Variants in DNAJC1 observed in about 807,000 individuals in gnomAD.
DNAJC1 encodes the protein DnaJ heat shock protein family (Hsp40) member C1, also known as dnaJ homolog subfamily C member 1.
DNAJC1 carries 58 observed loss-of-function variants against 76.6 expected under a neutral mutation model. The observed-to-expected ratio is 0.76, with a 90% CI of 0.61 to 0.94. The LOEUF (loss-of-function observed/expected upper bound fraction) is 0.94, where lower values mean the gene tolerates loss of function less well. Ranked by LOEUF, DNAJC1 falls within the 40% of genes least tolerant of loss-of-function variation. The pLI is 0.00. For synonymous variants in DNAJC1, 258 were observed against 267.9 expected (o/e 0.96, Z 0.36); for missense variants, 689 against 677.3 (o/e 1.02, Z -0.19).
At chr10:21,845,237 C>A (rs536393627) in intron 8 of DNAJC1, among the ~76,000 whole-genome samples, 1 of 152,004 alleles carries the variant, frequency 6.6e-6, no homozygotes, top group Non-Finnish European at 1.5e-5. Flanking sequence ...TGTGCCATTG[C>A]ATAGATTCTG....
At chr10:21,993,511 A>G (rs547722397) in intron 1 of DNAJC1, among the ~76,000 whole-genome samples, 1 of 152,356 alleles carries the variant, frequency 6.6e-6, no homozygotes, top group Non-Finnish European at 1.5e-5. Context: ...CGTCTGTCTC[A>G]TATTTTATTC....
rs1424292782 is a variant in DNAJC1, at chr10:22,003,372, C to T, written c.63G>A (p.Pro21=). The change falls in exon 1 of 12, where the codon CCG becomes CCA. Residue 21 remains proline, a synonymous_variant. Coordinates refer to ENST00000376980, the MANE Select transcript of DNAJC1 (RefSeq NM_022365.4). ...GCGTCCGCGGCGGCGGCGGCGGGAA[C>T]GGCACCAGCCCGAGCTGGCGGCGTC... ...LPGRRQLGLV[P]FPPPPPRTPL... is the part of the protein sequence containing the mutation. The T allele has an allele frequency of 2.9e-6, 4 of 1,387,992 alleles. No individual in the cohort carries two copies. The highest frequency in any genetic ancestry group is 3.8e-5 in the Admixed American group (1 of 26,434). The allele number at this position is 1,387,992 out of a possible 1,614,324, so 86.0% of individuals were successfully genotyped here.
intron 8 of DNAJC1, among the ~76,000 whole-genome samples, chr10:21,857,854 C>G (rs1201432831): frequency 6.8e-6 from 1 of 148,018 alleles, no homozygotes; most frequent in Non-Finnish European, 1.5e-5. Context: ...GGCTCCGTCT[C>G]AAAAAAACAA....
intron 6 of DNAJC1, among the ~76,000 whole-genome samples, chr10:21,914,152 C>A (rs1399191492): frequency 6.6e-6 from 1 of 152,178 alleles, no homozygotes; most frequent in Non-Finnish European, 1.5e-5. Flanking sequence ...AATATCCATG[C>A]ATCTTGTCCT....
At chr10:21,842,803 C>T (rs550422321) in intron 8 of DNAJC1, among the ~76,000 whole-genome samples, 1 of 152,290 alleles carries the variant, frequency 6.6e-6, no homozygotes, top group Non-Finnish European at 1.5e-5. Context: ...TTATCAAAAA[C>T]TATCAATGAA....
intron 8 of DNAJC1, among the ~76,000 whole-genome samples, chr10:21,824,900 G>A (rs1190211176): frequency 2.6e-5 from 4 of 152,040 alleles, no homozygotes; most frequent in African/African-American, 9.6e-5. Flanking sequence ...CAGGCATTCC[G>A]AGTAGCTGGG....
chr10:22,002,313 A>G (rs1483856929), intron 1 of DNAJC1, among the ~76,000 whole-genome samples: 5 of 152,278 alleles, frequency 3.3e-5, no homozygotes, highest in African/African-American at 9.6e-5. Flanking sequence ...ATAAGCCTGA[A>G]ATCAGCGAAA....
At chr10:21,854,424 G>A (rs1357268826) in intron 8 of DNAJC1, among the ~76,000 whole-genome samples, 2 of 148,936 alleles carry the variant, frequency 1.3e-5, no homozygotes, top group African/African-American at 4.9e-5. Context: ...TTTTACTTTT[G>A]GAAAGCATTT....
At chr10:21,865,463 G>A (rs1317715419) in intron 8 of DNAJC1, 1 of 152,078 alleles carries the variant, frequency 6.6e-6, no homozygotes, top group Non-Finnish European at 1.5e-5. Context: ...AAAGAAGTCA[G>A]ACAAAATAGA....
At chr10:21,991,192 G>A (rs1345847919) in intron 1 of DNAJC1, among the ~76,000 whole-genome samples, 1 of 152,154 alleles carries the variant, frequency 6.6e-6, no homozygotes, top group Non-Finnish European at 1.5e-5. Flanking sequence ...TCAGAATAGG[G>A]AGAATGGGCA....
intron 1 of DNAJC1, among the ~76,000 whole-genome samples, chr10:21,948,601 T>G (rs1449175233): frequency 6.6e-6 from 1 of 152,198 alleles, no homozygotes; most frequent in Non-Finnish European, 1.5e-5. Flanking sequence ...AAAAGAGAGA[T>G]CATATTCACG....
chr10:21,854,302 A>G (rs1835797888), intron 8 of DNAJC1, among the ~76,000 whole-genome samples: 1 of 151,528 alleles, frequency 6.6e-6, no homozygotes, highest in Non-Finnish European at 1.5e-5. Context: ...CAATATGGTG[A>G]AAAAACCTTA....
intron 11 of DNAJC1, 69 bp from the exon 12 acceptor site, chr10:21,756,824 G>T: frequency 6.9e-7 from 1 of 1,452,240 alleles, no homozygotes; most frequent in Non-Finnish European, 9.6e-7. Context: ...CATGTGGCCG[G>T]TCTGCTGGCT....
intron 9 of DNAJC1, among the ~76,000 whole-genome samples, chr10:21,804,137 A>C (rs1375880020): frequency 2.6e-5 from 4 of 152,118 alleles, no homozygotes; most frequent in African/African-American, 9.6e-5. Context: ...GCATTTAAAA[A>C]ATTTTCATCT....
At chr10:21,982,543 CCAA>C (rs1018975742) in intron 1 of DNAJC1, among the ~76,000 whole-genome samples, 9 of 151,658 alleles carry the variant, frequency 5.9e-5, no homozygotes, top group South Asian at 2.1e-4. Flanking sequence ...ACTCCTACAA[CCAA>C]CAACAAAAAA....
intron 10 of DNAJC1, among the ~76,000 whole-genome samples, chr10:21,763,800 A>G (rs967108321): frequency 2.6e-5 from 4 of 152,078 alleles, no homozygotes; most frequent in East Asian, 1.9e-4. Context: ...TCTTGTTGCA[A>G]TATCTTGAGA....
chr10:21,972,950 C>T (rs573898602), intron 1 of DNAJC1, among the ~76,000 whole-genome samples: 38 of 152,148 alleles, frequency 2.5e-4, no homozygotes, highest in Non-Finnish European at 4.1e-4. Context: ...AAATATGACA[C>T]CATTTTTCAA....
rs1490687834 is a variant in DNAJC1, at chr10:21,766,321, C to T, written c.1099-12G>A. The T allele has an allele frequency of 5.6e-6, 9 of 1,612,068 alleles. No homozygotes were observed. The highest frequency in any genetic ancestry group is 2.2e-5 in the East Asian group (1 of 44,876). On this transcript the variant is annotated splice_polypyrimidine_tract_variant and intron_variant, in intron 9 of 11. Coordinates refer to ENST00000376980, the MANE Select transcript of DNAJC1 (RefSeq NM_022365.4). ...GCTTTGGTTGTCACCTGTTTCAAAA[C>T]ATAAAAGCAAAAATCTTACTTTCCA...
intron 9 of DNAJC1, among the ~76,000 whole-genome samples, chr10:21,774,377 C>A (rs759620681): frequency 6.6e-6 from 1 of 152,136 alleles, no homozygotes; most frequent in African/African-American, 2.4e-5. Flanking sequence ...CACGTGACCT[C>A]AGAATCTCAT....
Sources: allele counts gnomAD v4.1 joint callset (sites outside exome capture counted in the v4.1 genomes callset), GRCh38; gene constraint gnomAD v4.1.1; transcripts MANE v1.5; gene names NCBI Gene and HGNC (gene_info 2026-07-23, HGNC 2026-07-21).